The following SDAD1 variants were observed in gnomAD, a reference collection of about 807,000 sequenced individuals.
The protein encoded by SDAD1 is SDA1 domain containing 1.
Under a neutral mutation model 100.3 loss-of-function variants are expected in SDAD1, and 79 were observed. The observed-to-expected ratio is 0.79, with a 90% CI of 0.66 to 0.95. The LOEUF is 0.95. Among genes scored for constraint, SDAD1 ranks in the 40% least tolerant of loss-of-function variants. SDAD1 has a pLI of 0.00. For synonymous variants in SDAD1, 267 were observed against 271.4 expected (o/e 0.98, Z 0.16); for missense variants, 790 against 810.9 (o/e 0.97, Z 0.31).
At chr4:75,963,147 G>GATTA (rs1729343608) in intron 14 of SDAD1, among the ~76,000 whole-genome samples, 1 of 152,098 alleles carries the variant, frequency 6.6e-6, no homozygotes, top group African/African-American at 2.4e-5. Context: ...ATTAAATAGG[G>GATTA]AATCCTTTCC....
At chr4:75,981,495 G>A (rs1224377759) in intron 2 of SDAD1, 25 bp from the exon 3 acceptor site, 10 of 1,613,110 alleles carry the variant, frequency 6.2e-6, no homozygotes, top group Non-Finnish European at 7.6e-6. Flanking sequence ...AGGCTCTTCT[G>A]AAGTTGCTCT....
At chr4:75,973,251 C>T (rs1453962295) in intron 8 of SDAD1, 66 bp downstream of exon 8, 1 of 1,325,416 alleles carries the variant, frequency 7.5e-7, no homozygotes, top group African/African-American at 1.4e-5. Context: ...CAGTCATAGA[C>T]TTTACAATGT....
intron 20 of SDAD1, 84 bp downstream of exon 20, chr4:75,957,241 C>A: frequency 9.1e-7 from 1 of 1,104,176 alleles, no homozygotes; most frequent in Non-Finnish European, 1.3e-6. Flanking sequence ...TAAAAATTGC[C>A]ATTCTGTGGC....
intron 14 of SDAD1, among the ~76,000 whole-genome samples, chr4:75,962,649 GTGA>G (rs751426751): frequency 6.6e-5 from 10 of 152,216 alleles, no homozygotes; most frequent in Non-Finnish European, 1.3e-4. Context: ...CTGATGGCCA[GTGA>G]TGATAAGCAT....
Position 75,961,202 on chromosome 4 carries a change from G to A in SDAD1, c.1279+9C>T, listed in dbSNP as rs1395874529. On this transcript the variant is annotated intron_variant, in intron 15 of 21. Coordinates refer to ENST00000356260, the MANE Select transcript of SDAD1 (RefSeq NM_018115.4). ...CTCTTTGGTGTGTAGAGAGTAACAT[G>A]CAGCTTACTCTTATCCTTGTGTGTT... 6.2e-7 allele frequency: 1 copy of A among 1,612,522 alleles called. No individual in the cohort carries two copies. The highest frequency in any genetic ancestry group is 1.1e-5 in the South Asian group (1 of 91,036).
chr4:75,956,464 C>CA lies in SDAD1; in HGVS notation c.1855-329dup, dbSNP rs528431707. Among the ~76,000 whole-genome samples the CA allele has an allele frequency of 7.5e-4, 110 of 146,564 alleles. 3 individuals carry two copies. The highest frequency in any genetic ancestry group is 6.5e-3 in the South Asian group (30 of 4,640). On this transcript the variant is annotated intron_variant, in intron 20 of 21. Coordinates refer to ENST00000356260, the MANE Select transcript of SDAD1 (RefSeq NM_018115.4). Reference sequence around the variant, plus strand: ...ATGGTAAGGGAAAGGAGGGGAAAGACAGAGCATTTCCGGAAGAAGGGACAG... The same window carrying CA: ...ATGGTAAGGGAAAGGAGGGGAAAGACAAGAGCATTTCCGGAAGAAGGGACAG...
chr4:75,984,669 T>C (rs1175501255), intron 1 of SDAD1, among the ~76,000 whole-genome samples: 2 of 152,078 alleles, frequency 1.3e-5, no homozygotes, highest in Non-Finnish European at 1.5e-5. Flanking sequence ...TAATCAAATG[T>C]TGGAATTCAC....
chr4:75,967,704 C>G (rs1729626232), intron 11 of SDAD1, among the ~76,000 whole-genome samples: 1 of 152,152 alleles, frequency 6.6e-6, no homozygotes, highest in South Asian at 2.1e-4. Context: ...GATACCAAGG[C>G]TCCAAAACAA....
intron 17 of SDAD1, 133 bp from the exon 18 acceptor site, chr4:75,958,074 ATTG>A: frequency 1.3e-6 from 1 of 749,954 alleles, no homozygotes; most frequent in Admixed American, 2.2e-5. Context: ...AGCAATATTT[ATTG>A]TTAAATAAAC....
chr4:75,954,858 A>G (rs983371873), intron 21 of SDAD1, among the ~76,000 whole-genome samples: 7 of 152,150 alleles, frequency 4.6e-5, no homozygotes, highest in African/African-American at 1.4e-4. Context: ...TGGAGAGCCT[A>G]TAAATGGATG....
chr4:75,984,222 C>T (rs1230774877), intron 1 of SDAD1, among the ~76,000 whole-genome samples: 1 of 151,908 alleles, frequency 6.6e-6, no homozygotes, highest in Non-Finnish European at 1.5e-5. Flanking sequence ...ACTGCAGTGG[C>T]ACAATCATAG....
intron 12 of SDAD1, among the ~76,000 whole-genome samples, chr4:75,966,267 TACACACACACAC>T (rs375225256): frequency 9.0e-4 from 125 of 139,284 alleles, no homozygotes; most frequent in African/African-American, 2.4e-3. Context: ...AATGAATGCA[TACACACACACAC>T]ACACACACAC....
intron 14 of SDAD1, 130 bp from the exon 15 acceptor site, chr4:75,961,438 A>G (rs1404275537): frequency 9.4e-6 from 6 of 640,816 alleles, no homozygotes; most frequent in Non-Finnish European, 1.6e-5. Flanking sequence ...TAGGTCTCCA[A>G]AACTGCAGCA....
rs1011778445 is a variant in SDAD1, at chr4:75,981,256, C to A, written c.294+116G>T. On this transcript the variant is annotated intron_variant, in intron 3 of 21. Transcript: ENST00000356260. ...GAAGGATTTTTAGGAAAGGATAATA[C>A]ATTATAATTTACGTTTTCTGAAGAT... The A allele has an allele frequency of 1.4e-5, 13 of 925,606 alleles. No homozygotes were observed. The African/African-American group carries it at 2.0e-4, about 14-fold the overall frequency. The allele number at this position is 925,606 out of a possible 1,614,324, so 57.3% of individuals were successfully genotyped here.
chr4:75,950,792 T>A lies in SDAD1; in HGVS notation c.2022A>T (p.Ala674=). The change falls in exon 22 of 22, where the codon GCA becomes GCT. Residue 674 remains alanine, a synonymous_variant. Coordinates refer to ENST00000356260, the MANE Select transcript of SDAD1 (RefSeq NM_018115.4). ...TCTTTTTCAAAAGTGCATCTCGTAG[T>A]GCCAACTGTAAGATAAAAAAGTATT... The part of the protein sequence containing the change: ...NKRSFREKQL[A]LRDALLKKRK... The A allele has an allele frequency of 1.3e-6, 2 of 1,584,712 alleles. No individual in the cohort carries two copies. The highest frequency in any genetic ancestry group is 2.7e-5 in the African/African-American group (2 of 74,686).
At position 75,960,050 on chromosome 4, in the gene SDAD1, T is replaced by C. The variant is rs959724232; in HGVS notation, c.1483+16A>G. On this transcript the variant is annotated intron_variant, in intron 17 of 21. Coordinates refer to ENST00000356260, the MANE Select transcript of SDAD1 (RefSeq NM_018115.4). ...AGGAGTGTTTTGCCCAAAATAAGGG[T>C]GAAATAAAAATCAACCTTCATCATT... 1.2e-6 allele frequency: 2 copies of C among 1,603,212 alleles called. No homozygotes were observed. Among genetic ancestry groups the C allele is most frequent in the African/African-American group, 1.3e-5 (1 of 74,592 alleles).
chr4:75,967,203 T>A, intron 12 of SDAD1, 74 bp downstream of exon 12: 4 of 1,403,890 alleles, frequency 2.8e-6, no homozygotes, highest in Non-Finnish European at 4.0e-6. Flanking sequence ...TCTTTAGTGA[T>A]TCCAGAACAA....
At chr4:75,965,242 C>T (rs567673697) in intron 13 of SDAD1, among the ~76,000 whole-genome samples, 1 of 152,150 alleles carries the variant, frequency 6.6e-6, no homozygotes, top group Non-Finnish European at 1.5e-5. Flanking sequence ...CCCGGTCTCC[C>T]GTGGCACTCC....
intron 10 of SDAD1, among the ~76,000 whole-genome samples, chr4:75,969,822 C>T (rs997263970): frequency 1.3e-5 from 2 of 152,222 alleles, no homozygotes; most frequent in African/African-American, 2.4e-5. Context: ...AGAGCCCCAA[C>T]GCCCAGCTAC....
Sources: allele counts gnomAD v4.1 joint callset (sites outside exome capture counted in the v4.1 genomes callset), GRCh38; gene constraint gnomAD v4.1.1; transcripts MANE v1.5; gene names NCBI Gene and HGNC (gene_info 2026-07-23, HGNC 2026-07-21).